The following TMEM171 variants were observed in gnomAD, a reference collection of about 807,000 sequenced individuals.
TMEM171 encodes proline-rich protein PRP2.
A neutral mutation model predicts 19.1 loss-of-function variants in TMEM171; 16 were observed. The ratio of observed to expected loss-of-function variants is 0.84; its 90% CI spans 0.57 to 1.27. The LOEUF (loss-of-function observed/expected upper bound fraction) is 1.27, where lower values mean the gene tolerates loss of function less well. TMEM171 is among the 50% of genes most tolerant of loss of function. The pLI is 0.00. For synonymous variants in TMEM171, 153 were observed against 163.4 expected (o/e 0.94, Z 0.48); for missense variants, 429 against 412.7 (o/e 1.04, Z -0.34).
At chr5:73,130,068 A>C (rs1275804058) in intron 3 of TMEM171, among the ~76,000 whole-genome samples, 2 of 151,920 alleles carry the variant, frequency 1.3e-5, no homozygotes, top group Admixed American at 6.6e-5. Context: ...CCAACTGAGA[A>C]GACGTGAGTG....
Position 73,128,494 on chromosome 5 carries a change from GA to G in TMEM171, c.749del (p.Asn250ThrfsTer96), listed in dbSNP as rs1297764731. On this transcript the variant is annotated frameshift_variant, in exon 3 of 4. Transcript: ENST00000454765. LOFTEE classifies it low-confidence loss of function (END_TRUNC). ...TGGAACTAACAGTCTGCTTCCGAAT[GA>G]AAACCCCCCTTCATATTACAGTATT... is the stretch of plus-strand genomic sequence containing the variant. ...SPGTNSLLPN[E>X]NPPSYYSIFN... The G allele has an allele frequency of 3.1e-6, 5 of 1,614,110 alleles. No homozygotes were observed. Among genetic ancestry groups the G allele is most frequent in the South Asian group, 1.1e-5 (1 of 91,072 alleles).
chr5:73,125,315 C>T (rs1744131548), intron 2 of TMEM171, among the ~76,000 whole-genome samples: 1 of 152,102 alleles, frequency 6.6e-6, no homozygotes, highest in South Asian at 2.1e-4. Context: ...CTTAAAGGTC[C>T]CCTGTGTGAA....
rs754704600 is a variant in TMEM171, at chr5:73,128,509, T to C, written c.760T>C (p.Tyr254His). ...GCTTCCGAATGAAAACCCCCCTTCA[T>C]ATTACAGTATTTTCAACTATGGGTA... ...SLLPNENPPS[Y>H]YSIFNYGRTP... Residue 254 changes from tyrosine (Y) to histidine (H), a missense_variant, in exon 3 of 4, where the codon TAT becomes CAT. By Grantham distance (83) the Tyr-to-His change is moderately conservative (BLOSUM62 2). Transcript: ENST00000454765. 5.0e-6 allele frequency: 8 copies of C among 1,613,910 alleles called. No homozygotes were observed. Among genetic ancestry groups the C allele is most frequent in the Non-Finnish European group, 8.5e-7 (1 of 1,179,998 alleles).
chr5:73,120,787 C>A, intron 1 of TMEM171, 91 bp downstream of exon 1: 1 of 972,336 alleles, frequency 1.0e-6, no homozygotes, highest in Non-Finnish European at 1.2e-6. Flanking sequence ...GCCGCGGCAG[C>A]GCGGAGGCGC....
At chr5:73,131,447 C>G in intron 3 of TMEM171, 91 bp from the exon 4 acceptor site, 1 of 984,592 alleles carries the variant, frequency 1.0e-6, no homozygotes, top group Non-Finnish European at 1.4e-6. Flanking sequence ...CTCTTAAGTG[C>G]ATGTAATCAA....
chr5:73,122,522 C>T (rs975135033), intron 1 of TMEM171, among the ~76,000 whole-genome samples: 1 of 152,208 alleles, frequency 6.6e-6, no homozygotes, highest in Non-Finnish European at 1.5e-5. Context: ...CCTCCCACCT[C>T]AGCCTACCAA....
chr5:73,131,656 C>T lies in TMEM171; in HGVS notation c.901C>T (p.Pro301Ser). 6.2e-7 allele frequency: 1 copy of T among 1,613,968 alleles called. No individual in the cohort carries two copies. Among genetic ancestry groups the T allele is most frequent in the South Asian group, 1.1e-5 (1 of 91,034 alleles). The stretch of plus-strand genomic sequence containing the variant: ...CACTCCACATCTTCCATCTGAATTG[C>T]CTCCTAGATATGAAGAAAAAGAAAA... ...SHTPHLPSEL[P>S]PRYEEKENAA... Residue 301 changes from proline (P) to serine (S), a missense_variant, in exon 4 of 4, where the codon CCT becomes TCT. Physicochemically the swap from Pro to Ser is moderately conservative, Grantham distance 74. Coordinates refer to ENST00000454765, the MANE Select transcript of TMEM171 (RefSeq NM_173490.8).
Position 73,123,506 on chromosome 5 carries a change from C to T in TMEM171, c.133C>T (p.Gln45Ter), listed in dbSNP as rs1378526281. ...VGVLLSIFGF[Q>*]ACQYKPLPDC... is the part of the protein sequence containing the mutation. ...AGTCCTGCTCTCCATCTTTGGGTTCCAGGCATGCCAATATAAGCCCCTCCC... is the reference window on the plus strand; with the variant it reads ...AGTCCTGCTCTCCATCTTTGGGTTCTAGGCATGCCAATATAAGCCCCTCCC... Residue 45 changes from glutamine (Q) to a stop codon, truncating the protein, a stop_gained, in exon 2 of 4, where the codon CAG (glutamine) becomes TAG (stop). Coordinates refer to ENST00000454765, the MANE Select transcript of TMEM171 (RefSeq NM_173490.8). LOFTEE classifies it high-confidence loss of function. 6.2e-7 allele frequency: 1 copy of T among 1,614,206 alleles called. No homozygotes were observed. The highest frequency in any genetic ancestry group is 2.2e-5 in the East Asian group (1 of 44,884).
At chr5:73,127,635 G>A (rs1174818406) in intron 2 of TMEM171, among the ~76,000 whole-genome samples, 2 of 151,488 alleles carry the variant, frequency 1.3e-5, no homozygotes, top group Non-Finnish European at 2.9e-5. Flanking sequence ...AGTAGAGACA[G>A]GGTTTCGCCG....
chr5:73,123,550 C>G lies in TMEM171; in HGVS notation c.177C>G (p.Leu59=), dbSNP rs753860393. The stretch of plus-strand genomic sequence containing the variant: ...CCCTCCCAGACTGCCCCATGGTGCT[C>G]AAGGTGGCGGGGCCTGCATGTGCCG... The part of the protein sequence containing the change: ...YKPLPDCPMV[L]KVAGPACAVV... The change falls in exon 2 of 4, where the codon CTC becomes CTG. Residue 59 remains leucine (L), a synonymous_variant. Coordinates refer to ENST00000454765, the MANE Select transcript of TMEM171 (RefSeq NM_173490.8). 55 of 1,614,220 alleles carry G rather than the reference C, an allele frequency of 3.4e-5. No individual in the cohort carries two copies. The South Asian group carries it at 4.6e-4, about 14-fold the overall frequency.
intron 1 of TMEM171, 95 bp from the exon 2 acceptor site, chr5:73,123,211 C>T: frequency 9.0e-7 from 1 of 1,107,458 alleles, no homozygotes; most frequent in Non-Finnish European, 1.3e-6. Flanking sequence ...CCCAAGGCCT[C>T]ATTGTGGTGT....
intron 2 of TMEM171, among the ~76,000 whole-genome samples, chr5:73,127,384 A>AAAAAAAAAAATATATAT: frequency 3.7e-5 from 3 of 81,694 alleles, no homozygotes; most frequent in Non-Finnish European, 6.6e-5. Context: ...AAAAAAAAAA[A>AAAAAAAAAAATATATAT]ATATATATAT....
intron 1 of TMEM171, among the ~76,000 whole-genome samples, chr5:73,122,949 G>A (rs973538396): frequency 6.6e-6 from 1 of 152,142 alleles, no homozygotes; most frequent in African/African-American, 2.4e-5. Context: ...GAATCCCTGT[G>A]GTTCTTCCCT....
chr5:73,120,820 G>C, intron 1 of TMEM171, 124 bp downstream of exon 1: 1 of 863,370 alleles, frequency 1.2e-6, no homozygotes. Context: ...CCCAACCTGC[G>C]TCCCTGCGAG....
At chr5:73,128,917 A>AC (rs1278816394) in intron 3 of TMEM171, among the ~76,000 whole-genome samples, 1 of 152,024 alleles carries the variant, frequency 6.6e-6, no homozygotes, top group Non-Finnish European at 1.5e-5. Flanking sequence ...ACGTGGCAAA[A>AC]CCCTGTCTCT....
intron 2 of TMEM171, among the ~76,000 whole-genome samples, chr5:73,127,176 T>G (rs1744182065): frequency 6.6e-6 from 1 of 151,908 alleles, no homozygotes; most frequent in Non-Finnish European, 1.5e-5. Flanking sequence ...ACTTGTGAAT[T>G]AAAGTTGTAG....
chr5:73,123,755 G>A lies in TMEM171; in HGVS notation c.382G>A (p.Val128Ile), dbSNP rs765972784. Reference protein sequence around the residue: ...LFLTSGMLISVLGIWVPGCGS... With the variant: ...LFLTSGMLISILGIWVPGCGS... ...CTTGACAAGCGGCATGCTCATCAGC[G>A]TCCTGGGCATTTGGGTCCCTGGATG... The change falls in exon 2 of 4, where the codon GTC (valine) becomes ATC (isoleucine). Residue 128 changes from valine (V) to isoleucine (I), a missense_variant. By Grantham distance (29) the Val-to-Ile change is conservative (BLOSUM62 3). Coordinates refer to ENST00000454765, the MANE Select transcript of TMEM171 (RefSeq NM_173490.8). 59 of 1,613,884 alleles carry A rather than the reference G, an allele frequency of 3.7e-5. No homozygotes were observed. The highest frequency in any genetic ancestry group is 1.0e-4 in the Admixed American group (6 of 60,006).
intron 2 of TMEM171, 110 bp downstream of exon 2, chr5:73,124,123 C>G: frequency 1.0e-6 from 1 of 982,742 alleles, no homozygotes; most frequent in Non-Finnish European, 1.5e-6. Context: ...TCTTCCATCT[C>G]TCACACATGT....
chr5:73,123,657 T>A lies in TMEM171; in HGVS notation c.284T>A (p.Met95Lys). ...GCAGGGCTGCAGAGAGGTCAGCAGA[T>A]GGACCCCGACCGAGCCTTCATCTGT... ...LRAGLQRGQQ[M>K]DPDRAFICGE... is the part of the protein sequence containing the mutation. Residue 95 changes from methionine to lysine, a missense_variant, in exon 2 of 4, where the codon ATG (methionine) becomes AAG (lysine). Transcript: ENST00000454765. The A allele has an allele frequency of 6.2e-7, 1 of 1,614,250 alleles. No homozygotes were observed. Among genetic ancestry groups the A allele is most frequent in the Non-Finnish European group, 8.5e-7 (1 of 1,180,036 alleles).
Sources: gnomAD v4.1 joint callset for allele counts (sites outside exome capture counted in the v4.1 genomes callset) on GRCh38, gnomAD v4.1.1 for gene constraint, MANE v1.5 for transcripts, NCBI Gene and HGNC (gene_info 2026-07-23, HGNC 2026-07-21) for gene names.